Variants in TEX26 observed in about 807,000 individuals in gnomAD.
The protein encoded by TEX26 is testis expressed 26.
A neutral mutation model predicts 35.3 loss-of-function variants in TEX26; 34 were observed. The ratio of observed to expected loss-of-function variants is 0.96; its 90% confidence interval spans 0.73 to 1.28. TEX26 has a LOEUF of 1.28. TEX26 is among the 50% of genes most tolerant of loss of function. The pLI is 0.00. For missense variants in TEX26, 371 were observed against 330.1 expected, an observed-to-expected ratio of 1.12 and a Z score of -0.96; for synonymous variants, 136 against 111.8, an observed-to-expected ratio of 1.22 and a Z score of -1.36.
At chr13:30,955,597 G>A (rs552833496) in intron 3 of TEX26, among the ~76,000 whole-genome samples, 2 of 152,200 alleles carry the variant, frequency 1.3e-5, no homozygotes, top group Non-Finnish European at 2.9e-5. Context: ...GGGAAACTGA[G>A]GAATAGCTTA....
At chr13:30,950,253 A>G (rs1485169652) in intron 2 of TEX26, among the ~76,000 whole-genome samples, 1 of 152,202 alleles carries the variant, frequency 6.6e-6, no homozygotes. Flanking sequence ...TAAAAATACA[A>G]AAATTAGACC....
In TEX26 at chr13:30,968,896, C is replaced by A. The variant is rs770057139; in HGVS notation, c.658C>A (p.Leu220Met). 1.2e-6 allele frequency: 2 copies of A among 1,613,590 alleles called. No individual in the cohort carries two copies. Among genetic ancestry groups the A allele is most frequent in the South Asian group, 2.2e-5 (2 of 90,978 alleles). The stretch of plus-strand genomic sequence containing the variant: ...GTGTATTTCTATAGTGCCTTCTGTG[C>A]TGCACAGCTACCTGAGGAACCAAGA... ...VASQGLVPSV[L>M]HSYLRNQEHT... The change falls in exon 6 of 7, where the codon CTG becomes ATG. Residue 220 changes from leucine (L) to methionine (M), a missense_variant. Transcript: ENST00000380473.
At chr13:30,954,538 A>G (rs1000617220) in intron 3 of TEX26, among the ~76,000 whole-genome samples, 7 of 151,854 alleles carry the variant, frequency 4.6e-5, no homozygotes, top group Non-Finnish European at 1.0e-4. Flanking sequence ...AGGTCACTAC[A>G]GCCTCGAACT....
chr13:30,960,810 C>T (rs1475707260), intron 4 of TEX26, among the ~76,000 whole-genome samples: 2 of 152,116 alleles, frequency 1.3e-5, no homozygotes, highest in African/African-American at 4.8e-5. Flanking sequence ...TCCATATTTG[C>T]AAGGGAGCAG....
chr13:30,942,132 G>T (rs534316228), intron 2 of TEX26, among the ~76,000 whole-genome samples: 1 of 151,932 alleles, frequency 6.6e-6, no homozygotes, highest in Non-Finnish European at 1.5e-5. Flanking sequence ...CCACCATCAG[G>T]GTATAAGTGT....
intron 6 of TEX26, among the ~76,000 whole-genome samples, chr13:30,974,070 G>A (rs550019761): frequency 2.8e-5 from 4 of 145,070 alleles, no homozygotes; most frequent in South Asian, 2.2e-4. Context: ...GCAGTGAGCC[G>A]AGATCGCACC....
In TEX26 at chr13:30,943,003, T is replaced by C. The variant is rs556348932; in HGVS notation, c.146+3225T>C. 2.6e-5 allele frequency among the ~76,000 whole-genome samples: 4 copies of C among 152,280 alleles called. No homozygotes were observed. In the East Asian group the frequency reaches 7.7e-4, roughly 29 times the overall value. On this transcript the variant is annotated intron_variant, in intron 2 of 6. Transcript: ENST00000380473. ...TTTTGGTTCTGTATGAATTTTAGAATTGTTTTTTCTAATTCTGTGAAAAAT... is the reference window on the plus strand; with the variant it reads ...TTTTGGTTCTGTATGAATTTTAGAACTGTTTTTTCTAATTCTGTGAAAAAT...
In TEX26 at chr13:30,955,998, C is replaced by T. The variant is rs546729921; in HGVS notation, c.313-875C>T. Among the ~76,000 whole-genome samples the T allele has an allele frequency of 2.3e-4, 35 of 152,162 alleles. No homozygotes were observed. In the South Asian group the frequency reaches 5.8e-3, roughly 25 times the overall value. On this transcript the variant is annotated intron_variant, in intron 3 of 6. Transcript: ENST00000380473. ...GGTGAAGATTTCAAGTTTTATCATCCTAAAATCTCTCTTTTTTAATTTTAT... is the reference window on the plus strand; with the variant it reads ...GGTGAAGATTTCAAGTTTTATCATCTTAAAATCTCTCTTTTTTAATTTTAT...
In TEX26 at chr13:30,960,070, A is replaced by G. The variant is rs1259104294; in HGVS notation, c.469+3041A>G. On this transcript the variant is annotated intron_variant, in intron 4 of 6. Transcript: ENST00000380473. ...ATCAAGCAAGTCTAATGAAGAAAAA[A>G]AGACATTTCCAGATTGACAAGAATA... Among the ~76,000 whole-genome samples, 4 of 152,230 alleles carry G rather than the reference A, an allele frequency of 2.6e-5. No individual in the cohort carries two copies. In the East Asian group the frequency reaches 7.7e-4, roughly 29 times the overall value.
At chr13:30,957,635 CG>C (rs1206565488) in intron 4 of TEX26, among the ~76,000 whole-genome samples, 3 of 152,024 alleles carry the variant, frequency 2.0e-5, no homozygotes, top group Admixed American at 6.5e-5. Flanking sequence ...GTTAGGGGAG[CG>C]CAGAGAGGAG....
At chr13:30,938,269 T>C (rs1322676501) in intron 1 of TEX26, among the ~76,000 whole-genome samples, 5 of 152,164 alleles carry the variant, frequency 3.3e-5, no homozygotes, top group South Asian at 4.1e-4. Flanking sequence ...CAATGGGAAG[T>C]TGGGGCAAAT....
At chr13:30,934,822 G>A (rs117075795) in intron 1 of TEX26, among the ~76,000 whole-genome samples, 3 of 152,342 alleles carry the variant, frequency 2.0e-5, no homozygotes, top group Non-Finnish European at 4.4e-5. Context: ...AGTCCTGGGC[G>A]AGGCTACAGC....
intron 1 of TEX26, among the ~76,000 whole-genome samples, chr13:30,934,182 C>T (rs567944947): frequency 1.3e-5 from 2 of 152,332 alleles, no homozygotes; most frequent in East Asian, 3.9e-4. Context: ...GCAGTTTGAT[C>T]ACCAGGTCTC....
intron 1 of TEX26, among the ~76,000 whole-genome samples, chr13:30,934,492 T>C (rs1953193210): frequency 6.6e-6 from 1 of 152,144 alleles, no homozygotes; most frequent in African/African-American, 2.4e-5. Context: ...ACAACAAAAA[T>C]GTATTTGCTC....
chr13:30,951,833 CT>C (rs1296122009), intron 2 of TEX26, among the ~76,000 whole-genome samples: 6 of 151,366 alleles, frequency 4.0e-5, no homozygotes, highest in East Asian at 1.9e-4. Context: ...TGTCTCATAA[CT>C]TTTTTTTAAA....
intron 2 of TEX26, among the ~76,000 whole-genome samples, chr13:30,949,611 C>T (rs1240255922): frequency 6.6e-6 from 1 of 151,710 alleles, no homozygotes; most frequent in Non-Finnish European, 1.5e-5. Context: ...TTAATTATAT[C>T]CAAGTAACTT....
intron 2 of TEX26, among the ~76,000 whole-genome samples, chr13:30,946,572 T>C (rs770173178): frequency 5.3e-5 from 8 of 152,028 alleles, no homozygotes; most frequent in Non-Finnish European, 1.0e-4. Flanking sequence ...GGGTAGACTA[T>C]TTATTCTAAT....
At chr13:30,938,633 G>T (rs1181206802) in intron 1 of TEX26, among the ~76,000 whole-genome samples, 1 of 152,098 alleles carries the variant, frequency 6.6e-6, no homozygotes, top group East Asian at 1.9e-4. Context: ...TATACATTTG[G>T]GGATTAAGTT....
rs192869955 is a variant in TEX26 at position 30,961,782 on chromosome 13, A to G, written c.470-4440A>G. ...TTACCCAACTTTTGAGCATCATTTA[A>G]CTGTGGATTCTGCTCTCTCTCTCAG... is the stretch of plus-strand genomic sequence containing the variant. On this transcript the variant is annotated intron_variant, in intron 4 of 6. Transcript: ENST00000380473. Among the ~76,000 whole-genome samples the G allele has an allele frequency of 1.2e-4, 19 of 152,174 alleles. No homozygotes were observed. In the East Asian group the frequency reaches 2.5e-3, roughly 20 times the overall value.
Sources: gnomAD v4.1 joint callset for allele counts (sites outside exome capture counted in the v4.1 genomes callset) on GRCh38, gnomAD v4.1.1 for gene constraint, MANE v1.5 for transcripts, NCBI Gene and HGNC (gene_info 2026-07-23, HGNC 2026-07-21) for gene names.